IER5: variants seen among roughly 807,000 people sequenced by gnomAD.
IER5 encodes the protein immediate early response gene 5 protein.
Under a neutral mutation model 8.2 loss-of-function variants are expected in IER5, and 3 were observed. The ratio of observed to expected loss-of-function variants is 0.36; its 90% CI spans 0.17 to 0.94. The LOEUF is 0.94. IER5 is among the 40% of genes least tolerant of loss of function. The pLI is 0.43. For synonymous variants in IER5, 286 were observed against 230.1 expected, an observed-to-expected ratio of 1.24 and a Z score of -2.20; for missense variants, 531 against 494.3, an observed-to-expected ratio of 1.07 and a Z score of -0.70.
chr1:181,089,083 G>T lies in IER5; in HGVS notation c.181G>T (p.Ala61Ser). 2 of 1,543,428 alleles carry T rather than the reference G, an allele frequency of 1.3e-6. No individual in the cohort carries two copies. The highest frequency in any genetic ancestry group is 8.7e-7 in the Non-Finnish European group (1 of 1,148,300). The change falls in exon 1 of 1, where the codon GCT (alanine) becomes TCT (serine). Residue 61 changes from alanine (A) to serine (S), a missense_variant. Physicochemically the swap from Ala to Ser is moderately conservative, Grantham distance 99. Transcript: ENST00000367577. Reference sequence around the variant, plus strand: ...CCCCGGCCTCTACCTGGCCGGTCCCGCTGGGACCCCGGCGCCGCCACCGCA... The same window carrying T: ...CCCCGGCCTCTACCTGGCCGGTCCCTCTGGGACCCCGGCGCCGCCACCGCA... ...PCPGLYLAGP[A>S]GTPAPPPQQQ...
Position 181,089,998 on chromosome 1 carries a change from G to C in IER5, c.*112G>C, listed in dbSNP as rs1324232824. The C allele has an allele frequency of 7.1e-7, 1 of 1,405,816 alleles. No homozygotes were observed. The highest frequency in any genetic ancestry group is 1.5e-5 in the African/African-American group (1 of 68,720). 87.1% of individuals were successfully genotyped at this position (1,405,816 alleles called of 1,614,324 possible). On this transcript the variant is annotated 3_prime_UTR_variant, in exon 1 of 1. Coordinates refer to ENST00000367577, the MANE Select transcript of IER5 (RefSeq NM_016545.5). ...GAGACCGCGGGCGCTGAGCGCGTTG[G>C]GCAGACTGGTTGCCTCTGGGCATCG...
rs973001216 is a variant in IER5, at chr1:181,088,733, C to A, written c.-170C>A. On this transcript the variant is annotated 5_prime_UTR_variant, in exon 1 of 1. Coordinates refer to ENST00000367577, the MANE Select transcript of IER5 (RefSeq NM_016545.5). Reference sequence around the variant, plus strand: ...ACCGGACCCGAAACGGGGAAGTTGTCTTGTTTGGAGAGGTTAGTAGAGCAG... The same window carrying A: ...ACCGGACCCGAAACGGGGAAGTTGTATTGTTTGGAGAGGTTAGTAGAGCAG... 3 of 631,660 alleles carry A rather than the reference C, an allele frequency of 4.7e-6. No homozygotes were observed. Among genetic ancestry groups the A allele is most frequent in the Non-Finnish European group, 7.8e-6 (3 of 385,300 alleles). 39.1% of individuals were successfully genotyped at this position (631,660 alleles called of 1,614,324 possible).
In IER5 at chr1:181,091,241, T is replaced by G. The variant is rs1327881629; in HGVS notation, c.*1355T>G. The G allele has an allele frequency of 6.6e-6, 1 of 152,186 alleles. No homozygotes were observed. The highest frequency in any genetic ancestry group is 2.4e-5 in the African/African-American group (1 of 41,444). The allele number at this position is 152,186 out of a possible 1,614,324, so 9.4% of individuals were successfully genotyped here. On this transcript the variant is annotated 3_prime_UTR_variant, in exon 1 of 1. Coordinates refer to ENST00000367577, the MANE Select transcript of IER5 (RefSeq NM_016545.5). ...GTTAAGCTATTAATACGGGTCATCTTTTAGCTTTGTAATTGAAAAAAAAAA... is the reference window on the plus strand; with the variant it reads ...GTTAAGCTATTAATACGGGTCATCTGTTAGCTTTGTAATTGAAAAAAAAAA...
At position 181,090,870 on chromosome 1, in the gene IER5, C is replaced by G. The variant is rs1432754455; in HGVS notation, c.*984C>G. ...TGCCTGCTTGTCTGTAATAACCTGC[C>G]TGGGTTGGGAGGGAAGTGGGAGGAG... On this transcript the variant is annotated 3_prime_UTR_variant, in exon 1 of 1. Coordinates refer to ENST00000367577, the MANE Select transcript of IER5 (RefSeq NM_016545.5). The G allele has an allele frequency of 1.3e-5, 2 of 152,640 alleles. No homozygotes were observed. Among genetic ancestry groups the G allele is most frequent in the African/African-American group, 4.8e-5 (2 of 41,412 alleles). 9.5% of individuals were successfully genotyped at this position (152,640 alleles called of 1,614,324 possible).
rs572255544 is a variant in IER5, at chr1:181,089,408, C to G, written c.506C>G (p.Ser169Cys). 8 of 1,427,416 alleles carry G rather than the reference C, an allele frequency of 5.6e-6. No individual in the cohort carries two copies. The highest frequency in any genetic ancestry group is 7.4e-6 in the Non-Finnish European group (8 of 1,088,382). 88.4% of individuals were successfully genotyped at this position (1,427,416 alleles called of 1,614,324 possible). The stretch of plus-strand genomic sequence containing the variant: ...GGCTGGGGCGTCTTCCCCGAGGTAT[C>G]TCGTGCCGCGCGCCGCCCCTGCGGC... ...AGGWGVFPEV[S>C]RAARRPCGCP... The change falls in exon 1 of 1, where the codon TCT becomes TGT. Residue 169 changes from serine to cysteine, a missense_variant. Ser to Cys is a moderately radical substitution (Grantham distance 112). Transcript: ENST00000367577.
At position 181,091,475 on chromosome 1, in the gene IER5, A is replaced by G. The variant is rs1162376864; in HGVS notation, c.*1589A>G. ...ACCAGATAAGGAAGGAGGGCTAGGC[A>G]AATTTAGTTCTCATTTAGCAAAACT... On this transcript the variant is annotated 3_prime_UTR_variant, in exon 1 of 1. Transcript: ENST00000367577. The G allele has an allele frequency of 1.3e-5, 2 of 152,218 alleles. No homozygotes were observed. The highest frequency in any genetic ancestry group is 2.9e-5 in the Non-Finnish European group (2 of 68,038). 9.4% of individuals were successfully genotyped at this position (152,218 alleles called of 1,614,324 possible). A position where few individuals can be genotyped will look rare whatever the true frequency, so the allele number is the denominator to read the frequency against.
At position 181,088,889 on chromosome 1, in the gene IER5, T is replaced by A. The variant is rs753623185; in HGVS notation, c.-14T>A. 1.2e-6 allele frequency: 2 copies of A among 1,603,964 alleles called. No homozygotes were observed. The highest frequency in any genetic ancestry group is 1.7e-5 in the Admixed American group (1 of 59,348). ...TGTCACCCCGGCGCCGACGGCCCTG[T>A]GCAGGGGAAGCAGATGGAGTTCAAG... On this transcript the variant is annotated 5_prime_UTR_variant, in exon 1 of 1. Coordinates refer to ENST00000367577, the MANE Select transcript of IER5 (RefSeq NM_016545.5).
Position 181,089,424 on chromosome 1 carries a change from C to T in IER5, c.522C>T (p.Arg174=), listed in dbSNP as rs746073514. The change falls in exon 1 of 1, where the codon CGC becomes CGT. Residue 174 remains arginine (R), a synonymous_variant. Transcript: ENST00000367577. ...VFPEVSRAAR[R]PCGCPLGGED... The stretch of plus-strand genomic sequence containing the variant: ...CCGAGGTATCTCGTGCCGCGCGCCG[C>T]CCCTGCGGCTGCCCCCTAGGCGGGG... 3 of 1,404,166 alleles carry T rather than the reference C, an allele frequency of 2.1e-6. No individual in the cohort carries two copies. Among genetic ancestry groups the T allele is most frequent in the African/African-American group, 3.0e-5 (2 of 66,498 alleles). 87.0% of individuals were successfully genotyped at this position (1,404,166 alleles called of 1,614,324 possible).
chr1:181,092,440 T>G lies in IER5; in HGVS notation c.*2554T>G, dbSNP rs1659496318. 6.6e-6 allele frequency: 1 copy of G among 152,070 alleles called. No individual in the cohort carries two copies. Among genetic ancestry groups the G allele is most frequent in the East Asian group, 1.9e-4 (1 of 5,204 alleles). The allele number at this position is 152,070 out of a possible 1,614,324, so 9.4% of individuals were successfully genotyped here. ...AGCATGGGCCCTGGAGCCAGGCTGC[T>G]TGGTGTCTTCCTTTATTTATTTATT... On this transcript the variant is annotated 3_prime_UTR_variant, in exon 1 of 1. Coordinates refer to ENST00000367577, the MANE Select transcript of IER5 (RefSeq NM_016545.5).
Position 181,090,229 on chromosome 1 carries a change from C to T in IER5, c.*343C>T, listed in dbSNP as rs1659441754. ...GGGGCAGACAGGGACTTTCCTCTGC[C>T]GGCTGCGTGGAGAAGGAAGCGGCTA... On this transcript the variant is annotated 3_prime_UTR_variant, in exon 1 of 1. Coordinates refer to ENST00000367577, the MANE Select transcript of IER5 (RefSeq NM_016545.5). 3.3e-6 allele frequency: 1 copy of T among 299,492 alleles called. No homozygotes were observed. The highest frequency in any genetic ancestry group is 6.6e-6 in the Non-Finnish European group (1 of 150,970). The allele number at this position is 299,492 out of a possible 1,614,324, so 18.6% of individuals were successfully genotyped here.
rs1452404487 is a variant in IER5, at chr1:181,091,453, A to C, written c.*1567A>C. The C allele has an allele frequency of 6.6e-6, 1 of 152,240 alleles. No homozygotes were observed. The highest frequency in any genetic ancestry group is 1.5e-5 in the Non-Finnish European group (1 of 68,036). 9.4% of individuals were successfully genotyped at this position (152,240 alleles called of 1,614,324 possible). On this transcript the variant is annotated 3_prime_UTR_variant, in exon 1 of 1. Coordinates refer to ENST00000367577, the MANE Select transcript of IER5 (RefSeq NM_016545.5). ...AGAGGGAAATTGTTTGCATCAAACC[A>C]GATAAGGAAGGAGGGCTAGGCAAAT...
Position 181,089,862 on chromosome 1 carries a change from G to C in IER5, c.960G>C (p.Trp320Cys), listed in dbSNP as rs553793937. 7.4e-6 allele frequency: 12 copies of C among 1,612,958 alleles called. No individual in the cohort carries two copies. In the East Asian group the frequency reaches 2.5e-4, roughly 33 times the overall value. ...CGGTGCTGAGAGACATGAACCCCTG[G>C]AGCACAGCCATCGTGGCCTTCTGAG... Reference protein sequence around the residue: ...DKPVLRDMNPWSTAIVAF With the variant: ...DKPVLRDMNPCSTAIVAF Residue 320 changes from tryptophan (W) to cysteine (C), a missense_variant, in exon 1 of 1, where the codon TGG (tryptophan) becomes TGC (cysteine). Coordinates refer to ENST00000367577, the MANE Select transcript of IER5 (RefSeq NM_016545.5).
rs758631776 is a variant in IER5, at chr1:181,089,269, A to G, written c.367A>G (p.Thr123Ala). The G allele has an allele frequency of 6.4e-6, 10 of 1,558,622 alleles. No homozygotes were observed. The highest frequency in any genetic ancestry group is 7.8e-6 in the Non-Finnish European group (9 of 1,154,726). Residue 123 changes from threonine to alanine, a missense_variant, in exon 1 of 1, where the codon ACT becomes GCT. Transcript: ENST00000367577. The stretch of plus-strand genomic sequence containing the variant: ...GGACGAGGTGCCGGTGGCCACGGTG[A>G]CTGGAGTCGGGGACGTTTTTCAGGG... ...VGDEVPVATV[T>A]GVGDVFQGGE...
chr1:181,089,722 G>A lies in IER5; in HGVS notation c.820G>A (p.Gly274Ser), dbSNP rs1418174234. The A allele has an allele frequency of 6.2e-7, 1 of 1,613,804 alleles. No individual in the cohort carries two copies. The highest frequency in any genetic ancestry group is 8.5e-7 in the Non-Finnish European group (1 of 1,179,986). Residue 274 changes from glycine (G) to serine (S), a missense_variant, in exon 1 of 1, where the codon GGT (glycine) becomes AGT (serine). By Grantham distance (56) the Gly-to-Ser change is moderately conservative. Transcript: ENST00000367577. ...CGTGGCTAACCTCATCAGCATCTTC[G>A]GTTCCAGTTTCTCGGGACTCCTACG... Reference protein sequence around the residue: ...GNVANLISIFGSSFSGLLRKS... With the variant: ...GNVANLISIFSSSFSGLLRKS...
Sources: allele counts gnomAD v4.1 joint callset, GRCh38; gene constraint gnomAD v4.1.1; transcripts MANE v1.5; gene names NCBI Gene and HGNC (gene_info 2026-07-23, HGNC 2026-07-21).